Variants in NPNT observed in about 807,000 individuals in gnomAD.
NPNT encodes the protein preosteoblast EGF-like repeat protein with MAM domain.
A neutral mutation model predicts 68.6 loss-of-function variants in NPNT; 45 were observed. The ratio of observed to expected loss-of-function variants is 0.66; its 90% CI spans 0.52 to 0.84. The LOEUF (loss-of-function observed/expected upper bound fraction) is 0.84, where lower values mean the gene tolerates loss of function less well. Ranked by LOEUF, NPNT falls within the 40% of genes least tolerant of loss-of-function variation. NPNT has a pLI of 0.00. For missense variants in NPNT, 672 were observed against 714.8 expected (o/e 0.94, Z 0.68); for synonymous variants, 233 against 253.3 (o/e 0.92, Z 0.76).
intron 1 of NPNT, among the ~76,000 whole-genome samples, chr4:105,897,005 A>C (rs1194744409): frequency 1.3e-5 from 2 of 152,236 alleles, no homozygotes; most frequent in Admixed American, 6.5e-5. Flanking sequence ...TATTTGCAAC[A>C]AGAAACCCAT....
chr4:105,914,028 G>A (rs930362741), intron 2 of NPNT, among the ~76,000 whole-genome samples: 23 of 151,964 alleles, frequency 1.5e-4, no homozygotes, highest in Non-Finnish European at 3.2e-4. Context: ...ATAAAACAGG[G>A]ACCCTTACTT....
chr4:105,897,001 C>T (rs888052552), intron 1 of NPNT, among the ~76,000 whole-genome samples: 11 of 152,150 alleles, frequency 7.2e-5, no homozygotes, highest in Admixed American at 1.3e-4. Context: ...CACATATTTG[C>T]AACAAGAAAC....
At chr4:105,962,020 A>G (rs930484888) in intron 10 of NPNT, among the ~76,000 whole-genome samples, 1 of 152,204 alleles carries the variant, frequency 6.6e-6, no homozygotes, top group African/African-American at 2.4e-5. Flanking sequence ...AACCAGTCAC[A>G]CATCTGAGTG....
intron 2 of NPNT, among the ~76,000 whole-genome samples, chr4:105,925,609 G>T (rs1415060102): frequency 6.6e-6 from 1 of 152,176 alleles, no homozygotes; most frequent in Non-Finnish European, 1.5e-5. Context: ...AACAGCATGG[G>T]TTAAAATGGG....
At position 105,942,387 on chromosome 4, in the gene NPNT, G is replaced by A. The variant is rs577538073; in HGVS notation, c.844G>A (p.Gly282Arg). Reference sequence around the variant, plus strand: ...TGGTACCATTTTAAAGGGTGACACAGGAAATAATAATTGGATTCCTGATGT... The same window carrying A: ...TGGTACCATTTTAAAGGGTGACACAAGAAATAATAATTGGATTCCTGATGT... Reference protein sequence around the residue: ...GNGTILKGDTGNNNWIPDVGS... With the variant: ...GNGTILKGDTRNNNWIPDVGS... The change falls in exon 8 of 12, where the codon GGA becomes AGA. Residue 282 changes from glycine (G) to arginine (R), a missense_variant. By Grantham distance (125) the Gly-to-Arg change is moderately radical. Coordinates refer to ENST00000379987, the MANE Select transcript of NPNT (RefSeq NM_001033047.3). 4 of 1,613,784 alleles carry A rather than the reference G, an allele frequency of 2.5e-6. No homozygotes were observed. The African/African-American group carries it at 5.3e-5, about 22-fold the overall frequency.
chr4:105,936,494 TGTAAA>T (rs981304052), intron 3 of NPNT, among the ~76,000 whole-genome samples: 10 of 152,208 alleles, frequency 6.6e-5, no homozygotes, highest in East Asian at 1.9e-4. Flanking sequence ...GTATACTTCC[TGTAAA>T]GTAAAATATT....
At chr4:105,898,328 G>GTCTGTCTCTCTCTCTC (rs1726082944) in intron 2 of NPNT, among the ~76,000 whole-genome samples, 1 of 53,936 alleles carries the variant, frequency 1.9e-5, no homozygotes, top group Non-Finnish European at 3.5e-5. Flanking sequence ...CTCTCTCTCT[G>GTCTGTCTCTCTCTCTC]TCTCTCTCTC....
At chr4:105,959,970 C>T (rs574746704) in intron 10 of NPNT, among the ~76,000 whole-genome samples, 14 of 152,108 alleles carry the variant, frequency 9.2e-5, no homozygotes, top group East Asian at 7.8e-4. Flanking sequence ...CCACCATGCC[C>T]GGCTAATTTT....
rs762928597 is a variant in NPNT at position 105,968,897 on chromosome 4, C to G, written c.1605C>G (p.Val535=). 6.2e-7 allele frequency: 1 copy of G among 1,601,778 alleles called. No homozygotes were observed. The highest frequency in any genetic ancestry group is 1.7e-5 in the Admixed American group (1 of 59,922). ...ITLRGADIKS[V]VFKGEKRRGH... ...TGGTGTGTGCATTCTCTCCCTAGGT[C>G]GTCTTCAAAGGTGAAAAAAGGCGTG... Residue 535 remains valine (V), a splice_region_variant and synonymous_variant, in exon 12 of 12, where the codon GTC becomes GTG. Transcript: ENST00000379987.
chr4:105,949,250 A>G (rs1730623918), intron 8 of NPNT, among the ~76,000 whole-genome samples: 1 of 152,202 alleles, frequency 6.6e-6, no homozygotes, highest in African/African-American at 2.4e-5. Flanking sequence ...TAAGAGAGGC[A>G]TGTAATGTAT....
At chr4:105,896,511 C>T (rs973384952) in intron 1 of NPNT, among the ~76,000 whole-genome samples, 1 of 152,172 alleles carries the variant, frequency 6.6e-6, no homozygotes, top group Admixed American at 6.5e-5. Context: ...TCCCCCTCAC[C>T]TCTGTGCAAT....
rs1241609185 is a variant in NPNT, at chr4:105,970,917, A to C, written c.*1927A>C. On this transcript the variant is annotated 3_prime_UTR_variant, in exon 12 of 12. Transcript: ENST00000379987. ...CACCAAATGCTGAGCTCACTGAAATATCTCTCCCTTATGGCAATCCTAGCA... is the reference window on the plus strand; with the variant it reads ...CACCAAATGCTGAGCTCACTGAAATCTCTCTCCCTTATGGCAATCCTAGCA... 1.3e-5 allele frequency: 4 copies of C among 308,590 alleles called. No individual in the cohort carries two copies. The highest frequency in any genetic ancestry group is 4.3e-5 in the African/African-American group (2 of 46,062). 19.1% of individuals were successfully genotyped at this position (308,590 alleles called of 1,614,324 possible).
chr4:105,927,185 T>A, intron 2 of NPNT, 151 bp from the exon 3 acceptor site: 1 of 541,530 alleles, frequency 1.8e-6, no homozygotes, highest in Non-Finnish European at 3.4e-6. Flanking sequence ...GCTTACAGAG[T>A]GTTTATAGGA....
chr4:105,936,337 A>T (rs1729489245), intron 3 of NPNT, among the ~76,000 whole-genome samples: 1 of 152,238 alleles, frequency 6.6e-6, no homozygotes, highest in African/African-American at 2.4e-5. Context: ...TTTCTTCTTT[A>T]ATCTGAAATC....
rs779766624 is a variant in NPNT at position 105,959,059 on chromosome 4, T to G, written c.1278T>G (p.His426Gln). ...GVLVHSCNFD[H>Q]GLCGWIREKD... ...TGGTACACAGTTGTAATTTTGACCATGGACTTTGTGGATGGATCAGGGAGA... is the reference window on the plus strand; with the variant it reads ...TGGTACACAGTTGTAATTTTGACCAGGGACTTTGTGGATGGATCAGGGAGA... The change falls in exon 10 of 12, where the codon CAT becomes CAG. Residue 426 changes from histidine (H) to glutamine (Q), a missense_variant. Coordinates refer to ENST00000379987, the MANE Select transcript of NPNT (RefSeq NM_001033047.3). 6.2e-7 allele frequency: 1 copy of G among 1,613,206 alleles called. No individual in the cohort carries two copies. The highest frequency in any genetic ancestry group is 8.5e-7 in the Non-Finnish European group (1 of 1,179,184).
chr4:105,962,483 T>A (rs1296283723), intron 10 of NPNT, among the ~76,000 whole-genome samples: 1 of 152,056 alleles, frequency 6.6e-6, no homozygotes, highest in Non-Finnish European at 1.5e-5. Flanking sequence ...CAGGCTGACA[T>A]GGAAAGAGTG....
Position 105,963,366 on chromosome 4 carries a change from C to T in NPNT, c.1346-3822C>T, listed in dbSNP as rs1362394424. 2.0e-5 allele frequency among the ~76,000 whole-genome samples: 3 copies of T among 152,208 alleles called. No individual in the cohort carries two copies. In the East Asian group the frequency reaches 5.8e-4, roughly 29 times the overall value. On this transcript the variant is annotated intron_variant, in intron 10 of 11. Transcript: ENST00000379987. ...TGGATGATTTTAATGATGTGCAGTT[C>T]TAATCCAAGATCCAGATTTGTAAAT... is the stretch of plus-strand genomic sequence containing the variant.
rs1732505918 is a variant in NPNT, at chr4:105,970,735, A to C, written c.*1745A>C. 2.5e-6 allele frequency: 1 copy of C among 395,136 alleles called. No individual in the cohort carries two copies. Among genetic ancestry groups the C allele is most frequent in the Non-Finnish European group, 4.8e-6 (1 of 208,580 alleles). 24.5% of individuals were successfully genotyped at this position (395,136 alleles called of 1,614,324 possible). A position where few individuals can be genotyped will look rare whatever the true frequency, so the allele number is the denominator to read the frequency against. On this transcript the variant is annotated 3_prime_UTR_variant, in exon 12 of 12. Coordinates refer to ENST00000379987, the MANE Select transcript of NPNT (RefSeq NM_001033047.3). ...AAGATGGTTAAAGATGTTCTTACCC[A>C]AGGAAAAGTAACAAATTATAGAATT...
intron 4 of NPNT, 121 bp from the exon 5 acceptor site, chr4:105,938,180 G>T (rs555321025): frequency 5.6e-4 from 451 of 804,874 alleles, no homozygotes; most frequent in Non-Finnish European, 8.1e-4. Context: ...GATAGTTAAG[G>T]CCTCTTTGTC....
Sources: gnomAD v4.1 joint callset for allele counts (sites outside exome capture counted in the v4.1 genomes callset) on GRCh38, gnomAD v4.1.1 for gene constraint, MANE v1.5 for transcripts, NCBI Gene and HGNC (gene_info 2026-07-23, HGNC 2026-07-21) for gene names.